KCNJ6: variants seen among roughly 807,000 people sequenced by gnomAD.
KCNJ6 encodes G protein-activated inward rectifier potassium channel 2.
In KCNJ6, 9 loss-of-function variants were observed where a neutral mutation model predicts 34.2. The ratio of observed to expected loss-of-function variants is 0.26; its 90% confidence interval spans 0.16 to 0.46. KCNJ6 has a LOEUF of 0.46. KCNJ6 is among the 20% of genes least tolerant of loss of function. The pLI is 1.00. For missense variants in KCNJ6, 236 were observed against 531.3 expected (o/e 0.44, Z 5.46); for synonymous variants, 196 against 207.1 (o/e 0.95, Z 0.46).
intron 2 of KCNJ6, among the ~76,000 whole-genome samples, chr21:37,830,721 CAGAA>C (rs764677120): frequency 2.6e-5 from 4 of 152,120 alleles, no homozygotes; most frequent in Non-Finnish European, 4.4e-5. Flanking sequence ...TCCAAGACAG[CAGAA>C]AGAAAGGAGA....
At chr21:37,755,540 T>G (rs1049747224) in intron 2 of KCNJ6, among the ~76,000 whole-genome samples, 1 of 152,108 alleles carries the variant, frequency 6.6e-6, no homozygotes, top group Non-Finnish European at 1.5e-5. Flanking sequence ...GGCAGACTAG[T>G]TGAGGGAAAC....
At position 37,695,840 on chromosome 21, in the gene KCNJ6, A is replaced by G. The variant is rs903311044; in HGVS notation, c.946+18371T>C. Among the ~76,000 whole-genome samples, 2 of 152,212 alleles carry G rather than the reference A, an allele frequency of 1.3e-5. No individual in the cohort carries two copies. The highest frequency in any genetic ancestry group is 4.8e-5 in the African/African-American group (2 of 41,454). On this transcript the variant is annotated intron_variant, in intron 3 of 3. Coordinates refer to ENST00000609713, the MANE Select transcript of KCNJ6 (RefSeq NM_002240.5). This position sits in a 1 kb window ranked among gnomAD's most constrained non-coding sequence, Gnocchi z 4.2. Reference sequence around the variant, plus strand: ...GAGAAATGTCTGACTCCAGAGCTGGAGCTGAAAAAGTCCAAGGTGAGCCTG... The same window carrying G: ...GAGAAATGTCTGACTCCAGAGCTGGGGCTGAAAAAGTCCAAGGTGAGCCTG...
At chr21:37,698,481 T>C (rs971431772) in intron 3 of KCNJ6, among the ~76,000 whole-genome samples, 1 of 152,266 alleles carries the variant, frequency 6.6e-6, no homozygotes, top group Non-Finnish European at 1.5e-5. Context: ...CATTCCATAT[T>C]GTATTGTAAT....
intron 3 of KCNJ6, among the ~76,000 whole-genome samples, chr21:37,668,979 A>G (rs779931069): frequency 1.3e-5 from 2 of 152,130 alleles, no homozygotes; most frequent in Non-Finnish European, 2.9e-5. Context: ...GGCCCTCCCA[A>G]TCCAGAAGAG....
At chr21:37,866,708 C>T (rs549279824) in intron 1 of KCNJ6, among the ~76,000 whole-genome samples, 1 of 152,296 alleles carries the variant, frequency 6.6e-6, no homozygotes, top group South Asian at 2.1e-4. Flanking sequence ...AGCACTTCAG[C>T]CAGATTCACC....
intron 1 of KCNJ6, among the ~76,000 whole-genome samples, chr21:37,881,852 T>A (rs1273635270): frequency 6.6e-6 from 1 of 152,154 alleles, no homozygotes; most frequent in Non-Finnish European, 1.5e-5. Flanking sequence ...TCTACAGCAG[T>A]CTGTAGACAA....
At chr21:37,708,008 A>G (rs1224349257) in intron 3 of KCNJ6, among the ~76,000 whole-genome samples, 1 of 152,134 alleles carries the variant, frequency 6.6e-6, no homozygotes, top group Non-Finnish European at 1.5e-5. Context: ...ATTTTGTCCA[A>G]TGGCTTTGAA....
At chr21:37,846,661 A>C (rs933774839) in intron 1 of KCNJ6, among the ~76,000 whole-genome samples, 1 of 152,076 alleles carries the variant, frequency 6.6e-6, no homozygotes, top group Non-Finnish European at 1.5e-5. Flanking sequence ...AGATATTTTT[A>C]TCTCTCTAAA....
chr21:37,829,194 G>A (rs186738901), intron 2 of KCNJ6, among the ~76,000 whole-genome samples: 2 of 151,862 alleles, frequency 1.3e-5, no homozygotes, highest in Middle Eastern at 3.4e-3. Flanking sequence ...AGGGAGGAGC[G>A]GGCTCTTGGA....
At chr21:37,879,188 C>T (rs2055694051) in intron 1 of KCNJ6, among the ~76,000 whole-genome samples, 1 of 152,088 alleles carries the variant, frequency 6.6e-6, no homozygotes, top group Non-Finnish European at 1.5e-5. Flanking sequence ...ATTCCCTTCC[C>T]CCAAATTGCT....
chr21:37,797,101 G>A (rs569831158), intron 2 of KCNJ6, among the ~76,000 whole-genome samples: 2 of 151,488 alleles, frequency 1.3e-5, no homozygotes, highest in Admixed American at 1.3e-4. Flanking sequence ...TTACTTTGTT[G>A]CCCAGGCTGG....
intron 2 of KCNJ6, among the ~76,000 whole-genome samples, chr21:37,829,032 C>T (rs1004724639): frequency 6.6e-6 from 1 of 152,202 alleles, no homozygotes; most frequent in Non-Finnish European, 1.5e-5. Context: ...TAACCCAGGG[C>T]CTGTGCCATC....
chr21:37,888,235 C>T (rs2055745222), intron 1 of KCNJ6, among the ~76,000 whole-genome samples: 1 of 152,230 alleles, frequency 6.6e-6, no homozygotes, highest in South Asian at 2.1e-4. Flanking sequence ...TCCCCTCAGA[C>T]ACTTTCCTCT....
chr21:37,838,505 G>A (rs1013641548), intron 2 of KCNJ6, among the ~76,000 whole-genome samples: 1 of 152,148 alleles, frequency 6.6e-6, no homozygotes. Context: ...TCCATTCATG[G>A]ACAATGATGC....
chr21:37,775,128 T>G (rs1258388561), intron 2 of KCNJ6, among the ~76,000 whole-genome samples: 2 of 152,330 alleles, frequency 1.3e-5, no homozygotes, highest in South Asian at 2.1e-4. Context: ...TCATGTGTCT[T>G]TTGGCTGCAT....
At chr21:37,642,744 G>T (rs1295463135) in intron 3 of KCNJ6, among the ~76,000 whole-genome samples, 2 of 152,150 alleles carry the variant, frequency 1.3e-5, no homozygotes, top group African/African-American at 4.8e-5. Flanking sequence ...AGGGGAGGAG[G>T]TGATCAACTA....
chr21:37,805,779 A>G (rs1364059732), intron 2 of KCNJ6, among the ~76,000 whole-genome samples: 1 of 152,170 alleles, frequency 6.6e-6, no homozygotes, highest in African/African-American at 2.4e-5. Flanking sequence ...ACACAGGCAG[A>G]TGTGTGGTGT....
At chr21:37,870,587 A>ATTTTTTTTTTTTTTTTTTTTTTTTAT (rs201091934) in intron 1 of KCNJ6, among the ~76,000 whole-genome samples, 1 of 147,992 alleles carries the variant, frequency 6.8e-6, no homozygotes, top group Non-Finnish European at 1.5e-5. Flanking sequence ...AACAATTCAA[A>ATTTTTTTTTTTTTTTTTTTTTTTTAT]ATTTTGTTTT....
At chr21:37,812,180 T>A (rs1019732753) in intron 2 of KCNJ6, among the ~76,000 whole-genome samples, 8 of 152,274 alleles carry the variant, frequency 5.3e-5, no homozygotes, top group African/African-American at 1.7e-4. Context: ...GAGGAAATCA[T>A]AAGTCCTGTT....
Sources: allele counts gnomAD v4.1 joint callset (sites outside exome capture counted in the v4.1 genomes callset), GRCh38; gene constraint gnomAD v4.1.1; non-coding constraint Gnocchi (gnomAD v3.1); transcripts MANE v1.5; gene names NCBI Gene and HGNC (gene_info 2026-07-23, HGNC 2026-07-21).